The following CCDC7 variants were observed in gnomAD, a reference collection of about 807,000 sequenced individuals.
CCDC7 encodes the protein coiled-coil domain-containing protein 7.
Under a neutral mutation model 196.9 loss-of-function variants are expected in CCDC7, and 183 were observed. That is an observed-to-expected ratio of 0.93 (90% CI 0.82 to 1.05). The LOEUF (loss-of-function observed/expected upper bound fraction) is 1.05. Among genes scored for constraint, CCDC7 ranks in the 50% least tolerant of loss-of-function variants. The pLI, the probability that CCDC7 is intolerant of heterozygous loss-of-function variation, is 0.00. For missense variants in CCDC7, 1,540 were observed against 1,482.2 expected, an observed-to-expected ratio of 1.04 and a Z score of -0.64; for synonymous variants, 525 against 484.6, an observed-to-expected ratio of 1.08 and a Z score of -1.10.
intron 28 of CCDC7, among the ~76,000 whole-genome samples, chr10:32,735,693 A>C (rs749779698): frequency 3.3e-5 from 5 of 152,096 alleles, no homozygotes; most frequent in Non-Finnish European, 7.4e-5. Flanking sequence ...ACAACTTATC[A>C]ATTTTTTATT....
chr10:32,762,001 T>C (rs2077536798), intron 28 of CCDC7, among the ~76,000 whole-genome samples: 1 of 151,916 alleles, frequency 6.6e-6, no homozygotes, highest in Non-Finnish European at 1.5e-5. Context: ...GTTGAGCGAC[T>C]CCTACACATT....
At chr10:32,685,679 GT>G (rs2076385816) in intron 21 of CCDC7, among the ~76,000 whole-genome samples, 1 of 152,058 alleles carries the variant, frequency 6.6e-6, no homozygotes, top group Non-Finnish European at 1.5e-5. Flanking sequence ...TATTTTTATT[GT>G]TTGGTTTATG....
chr10:32,583,155 A>G (rs2058906660), exon 17 of CCDC7: 1 of 1,231,428 alleles, frequency 8.1e-7, no homozygotes, highest in Non-Finnish European at 1.0e-6. Flanking sequence ...CCAATCCTAT[A>G]AATCTCCATC....
chr10:32,782,335 C>A (rs564764320), intron 29 of CCDC7, among the ~76,000 whole-genome samples: 16 of 152,094 alleles, frequency 1.1e-4, no homozygotes, highest in African/African-American at 3.6e-4. Context: ...TCAAACAATT[C>A]TCCTGACTCA....
chr10:32,474,150 C>A, intron 8 of CCDC7, 127 bp downstream of exon 9: 1 of 718,392 alleles, frequency 1.4e-6, no homozygotes, highest in Non-Finnish European at 1.9e-6. Context: ...TATAGTTGAG[C>A]TGGTTGTCAA....
intron 11 of CCDC7, among the ~76,000 whole-genome samples, chr10:32,534,025 C>T (rs1160936201): frequency 6.6e-6 from 1 of 151,968 alleles, no homozygotes; most frequent in African/African-American, 2.4e-5. Context: ...TCTTGAACAC[C>T]AATAATTTTT....
chr10:32,703,173 T>C (rs560187915), intron 24 of CCDC7, among the ~76,000 whole-genome samples: 1 of 152,272 alleles, frequency 6.6e-6, no homozygotes, highest in East Asian at 1.9e-4. Context: ...TTTTCATGTT[T>C]AGTGCTTCCT....
At chr10:32,880,966 A>T (rs1309770329), downstream of CCDC7, among the ~76,000 whole-genome samples, 2 of 152,192 alleles carry the variant, frequency 1.3e-5, no homozygotes, top group East Asian at 1.9e-4. Flanking sequence ...TCAAATTGTT[A>T]GTGTCCTAAA....
rs1036394266 is a variant in CCDC7, at chr10:32,595,227, C to T, written c.1801+10923C>T. ...ATTAATTATTGCCTCAATTTCAGAG[C>T]CTGTTATTGGTCTATTCAGGGATTC... On this transcript the variant is annotated intron_variant, in intron 18 of 41. Transcript: ENST00000639629. 2.6e-5 allele frequency among the ~76,000 whole-genome samples: 4 copies of T among 152,094 alleles called. No homozygotes were observed. The East Asian group carries it at 7.7e-4, about 29-fold the overall frequency.
intron 29 of CCDC7, among the ~76,000 whole-genome samples, chr10:32,782,446 T>A (rs994406432): frequency 4.6e-5 from 7 of 152,156 alleles, no homozygotes; most frequent in Non-Finnish European, 2.9e-5. Flanking sequence ...CAGACTGGTC[T>A]CAAACTCCTG....
intron 41 of CCDC7, among the ~76,000 whole-genome samples, chr10:32,866,880 T>C (rs576458708): frequency 6.6e-6 from 1 of 151,692 alleles, no homozygotes; most frequent in African/African-American, 2.4e-5. Context: ...AATCTAATGA[T>C]CAAAATTGCC....
At chr10:32,678,747 G>A (rs771228141) in intron 21 of CCDC7, among the ~76,000 whole-genome samples, 9 of 152,138 alleles carry the variant, frequency 5.9e-5, no homozygotes, top group Non-Finnish European at 1.2e-4. Flanking sequence ...ATCTCTCTTG[G>A]CACTGTGCTG....
chr10:32,775,181 G>A (rs1184201674), intron 28 of CCDC7, among the ~76,000 whole-genome samples: 6 of 152,150 alleles, frequency 3.9e-5, no homozygotes, highest in African/African-American at 1.2e-4. Flanking sequence ...TGACACTTTG[G>A]AGGAAAACCT....
intron 9 of CCDC7, chr10:32,513,811 C>G (rs1229725929): frequency 1.3e-5 from 2 of 152,112 alleles, no homozygotes; most frequent in Non-Finnish European, 2.9e-5. Context: ...TTTTATGATA[C>G]AAAGTTCCAC....
At chr10:32,690,058 C>G (rs1160816108) in intron 23 of CCDC7, among the ~76,000 whole-genome samples, 1 of 152,094 alleles carries the variant, frequency 6.6e-6, no homozygotes, top group Non-Finnish European at 1.5e-5. Flanking sequence ...ATTTGTTAGA[C>G]CAGAAAGGAT....
chr10:32,450,773 A>T (rs967201695), upstream of CCDC7, among the ~76,000 whole-genome samples: 1 of 152,178 alleles, frequency 6.6e-6, no homozygotes, highest in Admixed American at 6.5e-5. Context: ...TATTAAGGAC[A>T]TATATTAGCT....
At chr10:32,812,725 C>G (rs2087434024) in intron 30 of CCDC7, among the ~76,000 whole-genome samples, 1 of 152,076 alleles carries the variant, frequency 6.6e-6, no homozygotes, top group Non-Finnish European at 1.5e-5. Context: ...ATAAGTGTCT[C>G]CAGCACATAC....
chr10:32,616,606 G>A lies in CCDC7; in HGVS notation c.1802-17648G>A, dbSNP rs80077933. 8.4e-3 allele frequency among the ~76,000 whole-genome samples: 1,270 copies of A among 151,160 alleles called. 27 individuals carry two copies. The highest frequency in any genetic ancestry group is 0.028 in the African/African-American group (1,170 of 41,276). On this transcript the variant is annotated intron_variant, in intron 18 of 41. Coordinates refer to ENST00000639629, the Ensembl canonical transcript of CCDC7. ...TTTCTAGAATAAGATATTATCATCA[G>A]TGAACAGGGATAATTTGACTTCCTC...
intron 16 of CCDC7, among the ~76,000 whole-genome samples, chr10:32,572,685 T>C (rs2057717297): frequency 6.6e-6 from 1 of 152,078 alleles, no homozygotes; most frequent in Non-Finnish European, 1.5e-5. Context: ...GGTCCACTTG[T>C]TGCTTTGCAA....
Sources: allele counts gnomAD v4.1 joint callset (sites outside exome capture counted in the v4.1 genomes callset), GRCh38; gene constraint gnomAD v4.1.1; transcripts MANE v1.5; gene names NCBI Gene and HGNC (gene_info 2026-07-23, HGNC 2026-07-21).